Variants in DGKB observed in about 807,000 individuals in gnomAD.
The protein encoded by DGKB is diacylglycerol kinase beta, also known as 90 kDa diacylglycerol kinase.
Under a neutral mutation model 114.3 loss-of-function variants are expected in DGKB, and 67 were observed. The observed-to-expected ratio is 0.59, with a 90% CI of 0.48 to 0.72. The LOEUF (loss-of-function observed/expected upper bound fraction) is 0.72. Among genes scored for constraint, DGKB ranks in the 30% least tolerant of loss-of-function variants. The pLI is 0.00. For synonymous variants in DGKB, 398 were observed against 323.1 expected, an observed-to-expected ratio of 1.23 and a Z score of -2.49; for missense variants, 907 against 975.2, an observed-to-expected ratio of 0.93 and a Z score of 0.93.
intron 2 of DGKB, among the ~76,000 whole-genome samples, chr7:14,802,610 T>C (rs1842314787): frequency 6.6e-6 from 1 of 152,206 alleles, no homozygotes; most frequent in Non-Finnish European, 1.5e-5. Flanking sequence ...ATTATCATCC[T>C]ATTAGAAATA....
At chr7:14,855,945 T>C (rs1383583503) in intron 1 of DGKB, among the ~76,000 whole-genome samples, 1 of 151,596 alleles carries the variant, frequency 6.6e-6, no homozygotes, top group Admixed American at 6.6e-5. Context: ...TTTCTAGTAA[T>C]ACTAGTAGTA....
chr7:14,571,727 T>G (rs1798415169), intron 20 of DGKB, among the ~76,000 whole-genome samples: 1 of 152,210 alleles, frequency 6.6e-6, no homozygotes, highest in Non-Finnish European at 1.5e-5. Context: ...GATTTCTAAT[T>G]GCCTGAACTT....
At chr7:14,592,410 A>T (rs1198500802) in intron 17 of DGKB, among the ~76,000 whole-genome samples, 4 of 151,936 alleles carry the variant, frequency 2.6e-5, no homozygotes, top group African/African-American at 7.2e-5. Flanking sequence ...ATCTCTGATT[A>T]TTCTATTCAA....
intron 20 of DGKB, among the ~76,000 whole-genome samples, chr7:14,556,362 C>T (rs547421296): frequency 1.3e-5 from 2 of 152,120 alleles, no homozygotes; most frequent in East Asian, 3.9e-4. Flanking sequence ...TTACTAGTTT[C>T]ATTTCTAGTT....
At chr7:14,963,402 A>G (rs1786973228) in intron 1 of DGKB, among the ~76,000 whole-genome samples, 1 of 152,170 alleles carries the variant, frequency 6.6e-6, no homozygotes, top group African/African-American at 2.4e-5. Flanking sequence ...TTTCAGTGGA[A>G]GTTCCTACTA....
intron 21 of DGKB, among the ~76,000 whole-genome samples, chr7:14,362,813 T>G (rs1420662150): frequency 6.6e-6 from 1 of 152,154 alleles, no homozygotes; most frequent in East Asian, 1.9e-4. Flanking sequence ...GTAGACTGTT[T>G]AACGGGCACG....
At chr7:14,237,789 C>T (rs980974576) in intron 23 of DGKB, among the ~76,000 whole-genome samples, 4 of 151,734 alleles carry the variant, frequency 2.6e-5, no homozygotes, top group Admixed American at 1.3e-4. Flanking sequence ...TTTAAGATAA[C>T]ATAAAAAACA....
intron 23 of DGKB, chr7:14,209,383 A>C (rs76485352): frequency 0.012 from 5,804 of 464,946 alleles, 55 homozygotes; most frequent in Non-Finnish European, 0.02. Context: ...CACTGCTTGC[A>C]ACTATAAAAA....
chr7:14,346,740 G>T (rs1812541863), intron 21 of DGKB, among the ~76,000 whole-genome samples: 1 of 151,828 alleles, frequency 6.6e-6, no homozygotes, highest in Non-Finnish European at 1.5e-5. Context: ...TTTATAGAAT[G>T]GTTAGGCTTT....
intron 21 of DGKB, among the ~76,000 whole-genome samples, chr7:14,452,451 T>G (rs1156624549): frequency 1.3e-5 from 2 of 152,082 alleles, no homozygotes; most frequent in African/African-American, 4.8e-5. Flanking sequence ...TCATTTAGAA[T>G]GAAATATTTA....
chr7:14,151,126 A>G (rs1304152158), intron 25 of DGKB, among the ~76,000 whole-genome samples: 1 of 152,116 alleles, frequency 6.6e-6, no homozygotes, highest in Non-Finnish European at 1.5e-5. Context: ...CAGTTATCAC[A>G]TATTACTTAC....
chr7:14,270,078 G>C (rs1034657507), intron 23 of DGKB, among the ~76,000 whole-genome samples: 1 of 131,154 alleles, frequency 7.6e-6, no homozygotes, highest in Non-Finnish European at 1.6e-5. Flanking sequence ...AAAAAAAAGA[G>C]AGAGATTCCT....
chr7:14,926,173 G>C (rs945987706), intron 1 of DGKB, among the ~76,000 whole-genome samples: 26 of 151,740 alleles, frequency 1.7e-4, no homozygotes, highest in African/African-American at 6.3e-4. Context: ...CTGTTTCTGT[G>C]ATGGATTACA....
intron 20 of DGKB, among the ~76,000 whole-genome samples, chr7:14,567,613 A>C (rs937672631): frequency 1.6e-5 from 2 of 123,542 alleles, no homozygotes; most frequent in African/African-American, 3.1e-5. Context: ...ATATATATAT[A>C]TCTTTTTTAT....
chr7:14,491,695 A>T (rs1455217988), intron 20 of DGKB, among the ~76,000 whole-genome samples: 1 of 152,118 alleles, frequency 6.6e-6, no homozygotes, highest in Non-Finnish European at 1.5e-5. Context: ...TATTTAATTA[A>T]CGATTTAGTT....
intron 1 of DGKB, among the ~76,000 whole-genome samples, chr7:14,972,115 T>C (rs2115309972): frequency 6.6e-6 from 1 of 152,220 alleles, no homozygotes; most frequent in South Asian, 2.1e-4. Context: ...CAGTTTACAT[T>C]AGGTTCTAGT....
chr7:14,220,619 C>T (rs1258148738), intron 23 of DGKB, among the ~76,000 whole-genome samples: 1 of 151,524 alleles, frequency 6.6e-6, no homozygotes, highest in East Asian at 1.9e-4. Context: ...CTTGCAATTC[C>T]AAATGAATTT....
intron 1 of DGKB, among the ~76,000 whole-genome samples, chr7:14,892,420 T>C (rs1368200653): frequency 6.7e-6 from 1 of 150,322 alleles, no homozygotes; most frequent in Non-Finnish European, 1.5e-5. Flanking sequence ...TCAGAAAGAG[T>C]AATAAGGAAG....
At chr7:14,256,322 A>ATT (rs1171931244) in intron 23 of DGKB, among the ~76,000 whole-genome samples, 1 of 151,840 alleles carries the variant, frequency 6.6e-6, no homozygotes, top group African/African-American at 2.4e-5. Flanking sequence ...TAGTACTTGT[A>ATT]TTATAGTCAT....
Sources: gnomAD v4.1 joint callset for allele counts (sites outside exome capture counted in the v4.1 genomes callset) on GRCh38, gnomAD v4.1.1 for gene constraint, MANE v1.5 for transcripts, NCBI Gene and HGNC (gene_info 2026-07-23, HGNC 2026-07-21) for gene names.